The following INF2 variants were observed in gnomAD, a reference collection of about 807,000 sequenced individuals.
INF2 encodes inverted formin 2.
A neutral mutation model predicts 123.5 loss-of-function variants in INF2; 43 were observed. The ratio of observed to expected loss-of-function variants is 0.35; its 90% CI spans 0.27 to 0.45. The LOEUF is 0.45. Among genes scored for constraint, INF2 ranks in the 20% least tolerant of loss-of-function variants. The pLI is 1.00. For missense variants in INF2, 1,453 were observed against 1,682.7 expected (o/e 0.86, Z 2.39); for synonymous variants, 851 against 745.0 (o/e 1.14, Z -2.32).
intron 1 of INF2, among the ~76,000 whole-genome samples, 180 bp downstream of exon 1, chr14:104,689,919 G>GC (rs992541494): frequency 3.3e-5 from 5 of 151,348 alleles, no homozygotes; most frequent in African/African-American, 1.2e-4. Context: ...GGCGCCCCTG[G>GC]CCCCCCCGGC....
At chr14:104,688,740 T>C (rs1487276730), upstream of INF2, among the ~76,000 whole-genome samples, 4 of 152,184 alleles carry the variant, frequency 2.6e-5, no homozygotes, top group Non-Finnish European at 5.9e-5. Context: ...GCCCTCCCTC[T>C]AGCTGCCAGT....
chr14:104,682,388 A>G (rs1435992317), intron 1 of INF2, among the ~76,000 whole-genome samples: 1 of 152,180 alleles, frequency 6.6e-6, no homozygotes, highest in Non-Finnish European at 1.5e-5. Flanking sequence ...CCATGAAAAA[A>G]GCATAGTGCC....
In INF2 at chr14:104,720,481, C is replaced by T. The variant is rs1890512562; in HGVS notation, c.*1688C>T. ...CTGCTGTGGACGTCTGCGTCGTCCT[C>T]GTGTGGATGCTGCTGTGGACATCTG... On this transcript the variant is annotated 3_prime_UTR_variant, in exon 23 of 23. Coordinates refer to ENST00000392634, the MANE Select transcript of INF2 (RefSeq NM_022489.4). 1.8e-5 allele frequency: 1 copy of T among 54,392 alleles called. No homozygotes were observed. Among genetic ancestry groups the T allele is most frequent in the Admixed American group, 2.3e-4 (1 of 4,442 alleles). The allele number at this position is 54,392 out of a possible 1,614,324, so 3.4% of individuals were successfully genotyped here. A position where few individuals can be genotyped will look rare whatever the true frequency, so the allele number is the denominator to read the frequency against.
rs1390597939 is a variant in INF2 at position 104,706,092 on chromosome 14, C to A, written c.759C>A (p.Ala253=). 1 of 1,612,566 alleles carries A rather than the reference C, an allele frequency of 6.2e-7. No individual in the cohort carries two copies. The highest frequency in any genetic ancestry group is 1.1e-5 in the South Asian group (1 of 91,034). The part of the protein sequence containing the change: ...IQLEAFEEAK[A]EDEEELLRVS... ...TGGAGGCTTTCGAGGAGGCTAAGGCCGAGGACGAGGAGGAGCTGCTGCGAG... is the reference window on the plus strand; with the variant it reads ...TGGAGGCTTTCGAGGAGGCTAAGGCAGAGGACGAGGAGGAGCTGCTGCGAG... The change falls in exon 6 of 23, where the codon GCC becomes GCA. Residue 253 remains alanine, a synonymous_variant. Transcript: ENST00000392634.
chr14:104,712,392 T>C (rs919184771), intron 16 of INF2, 41 bp from the exon 17 acceptor site: 6 of 1,610,428 alleles, frequency 3.7e-6, no homozygotes, highest in Middle Eastern at 1.7e-4. Flanking sequence ...GAGGCTGACG[T>C]CAGCCGTTGC....
intron 22 of INF2, chr14:104,715,948 A>C (rs754661713): frequency 6.6e-6 from 3 of 455,928 alleles, no homozygotes; most frequent in Non-Finnish European, 1.3e-5. Context: ...GGGTGGGTCT[A>C]TGGAGAAGCA....
upstream of INF2, among the ~76,000 whole-genome samples, chr14:104,687,785 A>G (rs1211304252): frequency 6.6e-6 from 1 of 152,090 alleles, no homozygotes; most frequent in East Asian, 1.9e-4. This position sits in a 1 kb window ranked among gnomAD's most constrained non-coding sequence, Gnocchi z 5.6. Flanking sequence ...CCTCTGAGTA[A>G]GGCTCAGGAC....
In INF2 at chr14:104,701,590, C is replaced by G; in HGVS notation, c.225C>G (p.Asp75Glu). 6.2e-7 allele frequency: 1 copy of G among 1,607,608 alleles called. No homozygotes were observed. The highest frequency in any genetic ancestry group is 8.5e-7 in the Non-Finnish European group (1 of 1,178,816). The change falls in exon 2 of 23, where the codon GAC becomes GAG. Residue 75 changes from aspartate (D) to glutamate (E), a missense_variant. This residue lies in a region of INF2 where 251 missense variants were observed against 349.4 expected (regional missense o/e 0.72). Transcript: ENST00000392634. ...AGTTCCTGGAGCAGAGCGGCCTGGA[C>G]CTGCTGCTGGAGGCGCTGGCGCGGC... ...MVQFLEQSGL[D>E]LLLEALARLS...
At chr14:104,698,049 C>T (rs953608709) in intron 1 of INF2, among the ~76,000 whole-genome samples, 2 of 152,246 alleles carry the variant, frequency 1.3e-5, no homozygotes, top group African/African-American at 2.4e-5. Flanking sequence ...TTGCGAAGAA[C>T]GCAAATTCCT....
At position 104,714,422 on chromosome 14, in the gene INF2, C is replaced by T. The variant is rs371946522; in HGVS notation, c.3260C>T (p.Thr1087Ile). 330 of 1,608,402 alleles carry T rather than the reference C, an allele frequency of 2.1e-4. No individual in the cohort carries two copies. The highest frequency in any genetic ancestry group is 2.7e-4 in the Non-Finnish European group (321 of 1,177,856). Residue 1087 changes from threonine (T) to isoleucine (I), a missense_variant, in exon 21 of 23, where the codon ACC becomes ATC. Around this residue, in one of 8 missense-constraint regions of INF2, gnomAD observed 344 missense variants for 333.1 expected, o/e 1.03. Transcript: ENST00000392634. ...TATGTGGATGCCAGCGATGTCCTAA[C>T]CACTGAGGATCCCCAGTGCCCCCAG... is the stretch of plus-strand genomic sequence containing the variant. The part of the protein sequence containing the change: ...SWYVDASDVL[T>I]TEDPQCPQPL...
At chr14:104,700,729 G>T (rs771041465) in intron 1 of INF2, 53 of 483,264 alleles carry the variant, frequency 1.1e-4, no homozygotes, top group Non-Finnish European at 1.4e-4. Flanking sequence ...TGAGTGCCAA[G>T]GGTTTCCGTC....
chr14:104,717,302 C>T (rs1343930258), intron 22 of INF2, among the ~76,000 whole-genome samples: 2 of 136,060 alleles, frequency 1.5e-5, no homozygotes, highest in African/African-American at 6.0e-5. Flanking sequence ...CAGTCCCCCC[C>T]CCGGGCAGGG....
Position 104,714,559 on chromosome 14 carries a change from G to T in INF2, c.3397G>T (p.Asp1133Tyr). 6.2e-7 allele frequency: 1 copy of T among 1,612,708 alleles called. No homozygotes were observed. Among genetic ancestry groups the T allele is most frequent in the Non-Finnish European group, 8.5e-7 (1 of 1,179,880 alleles). The change falls in exon 21 of 23, where the codon GAT becomes TAT. Residue 1133 changes from aspartate (D) to tyrosine (Y), a missense_variant. Coordinates refer to ENST00000392634, the MANE Select transcript of INF2 (RefSeq NM_022489.4). ...CGGAAGTTCAAGGCAAGATGCCAAG[G>T]ATCCCACGTCCTTGCTGGGCGTCCT... ...AAGSSRQDAK[D>Y]PTSLLGVLQA... is the part of the protein sequence containing the mutation.
chr14:104,718,929 C>T lies in INF2; in HGVS notation c.*136C>T, dbSNP rs150579444. On this transcript the variant is annotated 3_prime_UTR_variant, in exon 23 of 23. Coordinates refer to ENST00000392634, the MANE Select transcript of INF2 (RefSeq NM_022489.4). ...ACCAAAACTCCGTGCCTTACCCAGC[C>T]GGGGCCCTCCTGGAGCCTTCTTGGG... is the stretch of plus-strand genomic sequence containing the variant. The T allele has an allele frequency of 6.0e-4, 895 of 1,481,470 alleles. 2 individuals are homozygous for T. In the East Asian group the frequency reaches 9.4e-3, roughly 16 times the overall value. The allele number at this position is 1,481,470 out of a possible 1,614,324, so 91.8% of individuals were successfully genotyped here.
At position 104,706,926 on chromosome 14, in the gene INF2, T is replaced by C; in HGVS notation, c.860T>C (p.Val287Ala). Reference protein sequence around the residue: ...SLFHKVSCSPVSAQLLSVLQG... With the variant: ...SLFHKVSCSPASAQLLSVLQG... The stretch of plus-strand genomic sequence containing the variant: ...CCCGTCCAGGTGAGCTGCTCCCCGG[T>C]GTCTGCCCAGCTCCTGTCGGTGCTG... The change falls in exon 7 of 23, where the codon GTG becomes GCG. Residue 287 changes from valine (V) to alanine (A), a missense_variant. Physicochemically the swap from Val to Ala is moderately conservative, Grantham distance 64. Around this residue, in one of 8 missense-constraint regions of INF2, gnomAD observed 251 missense variants for 349.4 expected, o/e 0.72. Transcript: ENST00000392634. The C allele has an allele frequency of 6.2e-7, 1 of 1,604,288 alleles. No homozygotes were observed. The highest frequency in any genetic ancestry group is 8.5e-7 in the Non-Finnish European group (1 of 1,179,338).
intron 22 of INF2, among the ~76,000 whole-genome samples, chr14:104,717,378 G>C (rs772226046): frequency 6.7e-6 from 1 of 150,320 alleles, no homozygotes; most frequent in East Asian, 2.0e-4. Flanking sequence ...AGTCCCCCCC[G>C]GGCAGGGTCC....
intron 10 of INF2, 60 bp from the exon 11 acceptor site, chr14:104,709,221 A>T: frequency 7.4e-7 from 1 of 1,345,874 alleles, no homozygotes; most frequent in Non-Finnish European, 1.0e-6. Context: ...GGTCCCAAAG[A>T]GGCTGGGTGG....
chr14:104,709,871 C>T (rs999540740), intron 12 of INF2, among the ~76,000 whole-genome samples, 166 bp downstream of exon 12: 1 of 152,230 alleles, frequency 6.6e-6, no homozygotes, highest in African/African-American at 2.4e-5. Context: ...ACTCGAGCCC[C>T]ACCCCCAGTC....
At chr14:104,701,084 T>A (rs1889460054) in intron 1 of INF2, among the ~76,000 whole-genome samples, 1 of 152,038 alleles carries the variant, frequency 6.6e-6, no homozygotes, top group Admixed American at 6.5e-5. Flanking sequence ...AGCCGGCTCC[T>A]CCCCTCCCAG....
Sources: gnomAD v4.1 joint callset for allele counts (sites outside exome capture counted in the v4.1 genomes callset) on GRCh38, gnomAD v4.1.1 for gene constraint, gnomAD v4.1.1 regional missense constraint, Gnocchi (gnomAD v3.1) non-coding constraint, MANE v1.5 for transcripts, NCBI Gene and HGNC (gene_info 2026-07-23, HGNC 2026-07-21) for gene names.